STPG2: variants seen among roughly 807,000 people sequenced by gnomAD.
STPG2 encodes the protein sperm tail PG-rich repeat containing 2.
A neutral mutation model predicts 54.2 loss-of-function variants in STPG2; 56 were observed. The ratio of observed to expected loss-of-function variants is 1.03; its 90% CI spans 0.83 to 1.29. STPG2 has a LOEUF of 1.29. Ranked by LOEUF, STPG2 falls within the 50% of genes most tolerant of loss-of-function variation. The probability of loss-of-function intolerance (pLI) is 0.00; values close to 1 mark genes in which losing one functional copy is unlikely to be tolerated. For missense variants in STPG2, 596 were observed against 544.9 expected (o/e 1.09, Z -0.93); for synonymous variants, 200 against 181.8 (o/e 1.10, Z -0.81).
chr4:98,037,340 G>A (rs1454238878), intron 5 of STPG2, among the ~76,000 whole-genome samples: 2 of 151,884 alleles, frequency 1.3e-5, no homozygotes, highest in African/African-American at 4.8e-5. Context: ...CATACTTTAT[G>A]ACCCAAACAA....
chr4:97,832,505 G>A (rs553147255), intron 9 of STPG2, among the ~76,000 whole-genome samples: 70 of 152,316 alleles, frequency 4.6e-4, no homozygotes, highest in African/African-American at 1.5e-3. Context: ...AGTATTGGAA[G>A]TTCTGGCCAG....
intron 3 of STPG2, among the ~76,000 whole-genome samples, chr4:98,117,702 C>A (rs2110152326): frequency 6.6e-6 from 1 of 152,082 alleles, no homozygotes; most frequent in South Asian, 2.1e-4. Flanking sequence ...TTCAAATTTT[C>A]TTTTGGGCTC....
chr4:97,907,528 A>G (rs367993653), intron 8 of STPG2, among the ~76,000 whole-genome samples: 1 of 152,138 alleles, frequency 6.6e-6, no homozygotes, highest in East Asian at 1.9e-4. Flanking sequence ...TTTAAAGTTC[A>G]TATGGAACCA....
chr4:97,931,655 TTTTTTGTTTTTTG>T (rs1732550904), intron 8 of STPG2, among the ~76,000 whole-genome samples: 4 of 150,028 alleles, frequency 2.7e-5, no homozygotes, highest in Non-Finnish European at 6.0e-5. Flanking sequence ...TGTTTTTGGT[TTTTTTGTTTTTTG>T]TTGTTGTTGT....
chr4:97,923,967 G>A (rs139300742), intron 8 of STPG2, among the ~76,000 whole-genome samples: 2,076 of 152,286 alleles, frequency 0.014, 19 homozygotes, highest in Non-Finnish European at 0.02. Context: ...AATAAAAGCA[G>A]GCTGCCTGAG....
intron 2 of STPG2, 139 bp from the exon 3 acceptor site, chr4:98,128,731 T>C (rs1739901878): frequency 1.4e-6 from 1 of 728,610 alleles, no homozygotes; most frequent in Admixed American, 3.6e-5. Flanking sequence ...AATGTTTGTT[T>C]TGTTATTGTT....
At chr4:97,833,110 A>G (rs183943272) in intron 9 of STPG2, among the ~76,000 whole-genome samples, 1 of 152,344 alleles carries the variant, frequency 6.6e-6, no homozygotes, top group African/African-American at 2.4e-5. Context: ...ACTTCAAACT[A>G]TACTACAAGG....
At chr4:97,969,481 C>A (rs1289999869) in intron 7 of STPG2, among the ~76,000 whole-genome samples, 2 of 152,070 alleles carry the variant, frequency 1.3e-5, no homozygotes, top group South Asian at 2.1e-4. Flanking sequence ...CATCACAGGA[C>A]CAAAAGGCAG....
intron 8 of STPG2, among the ~76,000 whole-genome samples, chr4:97,861,822 A>G (rs1729555634): frequency 6.6e-6 from 1 of 152,100 alleles, no homozygotes; most frequent in Non-Finnish European, 1.5e-5. Flanking sequence ...CAGCCAAACT[A>G]AGTTTCATAA....
chr4:98,017,106 G>T (rs1220395976), intron 5 of STPG2, among the ~76,000 whole-genome samples: 1 of 152,188 alleles, frequency 6.6e-6, no homozygotes, highest in African/African-American at 2.4e-5. Flanking sequence ...CTAGCACTTT[G>T]TTGGACCTGG....
At chr4:97,976,975 G>A (rs1480113727) in intron 6 of STPG2, among the ~76,000 whole-genome samples, 1 of 152,096 alleles carries the variant, frequency 6.6e-6, no homozygotes, top group African/African-American at 2.4e-5. Flanking sequence ...CAAAGCTGTT[G>A]GAACTTTAAA....
intron 8 of STPG2, among the ~76,000 whole-genome samples, chr4:97,906,735 C>A (rs946774516): frequency 6.6e-6 from 1 of 151,884 alleles, no homozygotes; most frequent in Non-Finnish European, 1.5e-5. Flanking sequence ...TAAATGTAAT[C>A]CAGCATATAA....
At position 97,930,066 on chromosome 4, in the gene STPG2, T is replaced by C. The variant is rs188929167; in HGVS notation, c.1044+13831A>G. On this transcript the variant is annotated intron_variant, in intron 8 of 10. Transcript: ENST00000295268. ...GGCAAGCACCACCACGCCCAGCTAA[T>C]TTTTGTATTTTTAGTAGAGATGAGG... is the stretch of plus-strand genomic sequence containing the variant. Among the ~76,000 whole-genome samples the C allele has an allele frequency of 4.6e-3, 693 of 152,100 alleles. 5 individuals are homozygous for C. The highest frequency in any genetic ancestry group is 8.1e-3 in the Non-Finnish European group (554 of 68,002).
At chr4:97,902,281 C>G (rs1731207390) in intron 8 of STPG2, among the ~76,000 whole-genome samples, 2 of 151,976 alleles carry the variant, frequency 1.3e-5, no homozygotes, top group South Asian at 4.1e-4. Flanking sequence ...GCACAGGCAA[C>G]AAAAGCAAAA....
chr4:97,739,118 G>A (rs1326392182), intron 9 of STPG2, among the ~76,000 whole-genome samples: 1 of 151,950 alleles, frequency 6.6e-6, no homozygotes, highest in Non-Finnish European at 1.5e-5. Context: ...TGACTACTGG[G>A]TACATAATGA....
At chr4:97,584,366 G>A (rs1732938559) in intron 10 of STPG2, among the ~76,000 whole-genome samples, 1 of 151,844 alleles carries the variant, frequency 6.6e-6, no homozygotes, top group African/African-American at 2.4e-5. Context: ...CAAAACCTCT[G>A]GGATACAGCA....
intron 9 of STPG2, among the ~76,000 whole-genome samples, chr4:97,798,309 T>C (rs1311352434): frequency 1.3e-5 from 2 of 152,206 alleles, no homozygotes; most frequent in African/African-American, 4.8e-5. Context: ...TACTTTCTCA[T>C]GTGGGCATAT....
intron 4 of STPG2, among the ~76,000 whole-genome samples, chr4:97,442,820 G>A (rs1224211276): frequency 6.6e-6 from 1 of 152,122 alleles, no homozygotes; most frequent in Admixed American, 6.6e-5. Flanking sequence ...AAATCTGCAA[G>A]TAAGTTTAAT....
intron 4 of STPG2, among the ~76,000 whole-genome samples, chr4:97,455,005 C>T (rs937082573): frequency 6.6e-6 from 1 of 151,930 alleles, no homozygotes; most frequent in Admixed American, 6.5e-5. Context: ...TATACAGCTA[C>T]AGTTATCAAG....
Sources: allele counts gnomAD v4.1 joint callset (sites outside exome capture counted in the v4.1 genomes callset), GRCh38; gene constraint gnomAD v4.1.1; transcripts MANE v1.5; gene names NCBI Gene and HGNC (gene_info 2026-07-23, HGNC 2026-07-21).